The following ADGRL1 variants were observed in gnomAD, a reference collection of about 807,000 sequenced individuals.
ADGRL1 encodes adhesion G protein-coupled receptor L1, also known as CIRL-1.
ADGRL1 carries 31 observed loss-of-function variants against 148.9 expected under a neutral mutation model. The observed-to-expected ratio is 0.21, with a 90% CI of 0.16 to 0.28. The LOEUF is 0.28. Ranked by LOEUF, ADGRL1 falls within the 10% of genes least tolerant of loss-of-function variation. The probability of loss-of-function intolerance (pLI) is 1.00; values close to 1 mark genes in which losing one functional copy is unlikely to be tolerated. For missense variants in ADGRL1, 1,521 were observed against 2,058.8 expected, an observed-to-expected ratio of 0.74 and a Z score of 5.05; for synonymous variants, 937 against 900.3, an observed-to-expected ratio of 1.04 and a Z score of -0.73.
rs143605803 is a variant in ADGRL1, at chr19:14,195,994, G to A, written c.-96+9991C>T. ...CTCCCCTCACATCACATCCAGCCCC[G>A]TCAGGTCCTGTGGCTACTCCTTCAG... On this transcript the variant is annotated intron_variant, in intron 1 of 22. Transcript: ENST00000361434. Among the ~76,000 whole-genome samples, 868 of 152,050 alleles carry A rather than the reference G, an allele frequency of 5.7e-3. 8 individuals are homozygous for A. Among genetic ancestry groups the A allele is most frequent in the African/African-American group, 0.019 (799 of 41,452 alleles).
intron 1 of ADGRL1, among the ~76,000 whole-genome samples, chr19:14,186,302 C>T (rs1644736971): frequency 6.6e-6 from 1 of 152,330 alleles, no homozygotes; most frequent in Admixed American, 6.5e-5. Context: ...AAGAGATCCT[C>T]CTGCCTCAAC....
chr19:14,151,620 A>G lies in ADGRL1; in HGVS notation c.3668-5T>C. The G allele has an allele frequency of 6.3e-7, 1 of 1,585,444 alleles. No homozygotes were observed. Among genetic ancestry groups the G allele is most frequent in the South Asian group, 1.1e-5 (1 of 88,382 alleles). On this transcript the variant is annotated splice_polypyrimidine_tract_variant and splice_region_variant and intron_variant, in intron 22 of 22. Coordinates refer to ENST00000361434, the MANE Select transcript of ADGRL1 (RefSeq NM_014921.5). ...CCCGGCCTCCCAAGGGGTGCTCTGC[A>G]GGGCAGAAAGGGGCTGGTCAGGTTG...
chr19:14,154,935 T>A (rs1339482925), intron 18 of ADGRL1, among the ~76,000 whole-genome samples: 1 of 152,118 alleles, frequency 6.6e-6, no homozygotes, highest in African/African-American at 2.4e-5. Context: ...TTTTTAAGAT[T>A]CAGATTTTAA....
chr19:14,203,677 G>C (rs1972764889), intron 1 of ADGRL1, among the ~76,000 whole-genome samples: 1 of 152,188 alleles, frequency 6.6e-6, no homozygotes. Context: ...GGGAATAGAA[G>C]CTGGGCTTCG....
At position 14,150,807 on chromosome 19, in the gene ADGRL1, C is replaced by T; in HGVS notation, c.*66G>A. On this transcript the variant is annotated 3_prime_UTR_variant, in exon 23 of 23. Transcript: ENST00000361434. The stretch of plus-strand genomic sequence containing the variant: ...ACTGCCTCCATCTGTCTCCCTCTCC[C>T]ACCAGAGCCCTGCCCAGGGTTCCCT... 6.4e-7 allele frequency: 1 copy of T among 1,561,134 alleles called. No individual in the cohort carries two copies.
In ADGRL1 at chr19:14,170,742, G is replaced by A; in HGVS notation, c.334C>T (p.Pro112Ser). ...CVVVAGSDAF[P>S]DPCPGTYKYL... Reference sequence around the variant, plus strand: ...TTGTAGGTCCCAGGACAGGGGTCAGGAAAGGCATCCGAGCCGGCGACCACC... The same window carrying A: ...TTGTAGGTCCCAGGACAGGGGTCAGAAAAGGCATCCGAGCCGGCGACCACC... Residue 112 changes from proline (P) to serine (S), a missense_variant, in exon 4 of 23, where the codon CCT becomes TCT. Physicochemically the swap from Pro to Ser is moderately conservative, Grantham distance 74. Transcript: ENST00000361434. The A allele has an allele frequency of 6.2e-7, 1 of 1,612,570 alleles. No individual in the cohort carries two copies. Among genetic ancestry groups the A allele is most frequent in the Non-Finnish European group, 8.5e-7 (1 of 1,179,184 alleles).
In ADGRL1 at chr19:14,160,438, GTCCCTGC is replaced by G; in HGVS notation, c.1614+148_1615-142del. The stretch of plus-strand genomic sequence containing the variant: ...CCATCTGCCCCTTCCCACCCCATCT[GTCCCTGC>G]TCCCTTTGTAGGCCAGGGAGGTGAC... On this transcript the variant is annotated intron_variant, in intron 7 of 22. Coordinates refer to ENST00000361434, the MANE Select transcript of ADGRL1 (RefSeq NM_014921.5). This position sits in a 1 kb window ranked among gnomAD's most constrained non-coding sequence, Gnocchi z 5.9. 3 of 940,034 alleles carry G rather than the reference GTCCCTGC, an allele frequency of 3.2e-6. No homozygotes were observed. In the East Asian group the frequency reaches 7.9e-5, roughly 25 times the overall value. 58.2% of individuals were successfully genotyped at this position (940,034 alleles called of 1,614,324 possible).
At chr19:14,203,221 G>A (rs934207988) in intron 1 of ADGRL1, among the ~76,000 whole-genome samples, 6 of 152,216 alleles carry the variant, frequency 3.9e-5, no homozygotes, top group Non-Finnish European at 8.8e-5. Flanking sequence ...GGCTGGAGGA[G>A]GGGAAGTGTC....
At chr19:14,175,729 C>A (rs117095640) in intron 3 of ADGRL1, among the ~76,000 whole-genome samples, 613 of 152,170 alleles carry the variant, frequency 4.0e-3, no homozygotes, top group Non-Finnish European at 7.2e-3. Context: ...TAGTCACACA[C>A]TCAAAAATGC....
chr19:14,157,140 G>T lies in ADGRL1; in HGVS notation c.2751C>A (p.Ala917=). 6.2e-7 allele frequency: 1 copy of T among 1,614,028 alleles called. No homozygotes were observed. Among genetic ancestry groups the T allele is most frequent in the Middle Eastern group, 1.6e-4 (1 of 6,062 alleles). The change falls in exon 15 of 23, where the codon GCC becomes GCA. Residue 917 remains alanine, a synonymous_variant. Coordinates refer to ENST00000361434, the MANE Select transcript of ADGRL1 (RefSeq NM_014921.5). The surrounding 1 kb of genome is among the most constrained non-coding windows in gnomAD (Gnocchi z 7.5). ...GCAGCAGGCCGGCGAAGATGGGGCAGGCAATCTGCGGGGAGCACTGAGGGT... is the reference window on the plus strand; with the variant it reads ...GCAGCAGGCCGGCGAAGATGGGGCATGCAATCTGCGGGGAGCACTGAGGGT... ...VGIDKTQYEI[A]CPIFAGLLHY...
In ADGRL1 at chr19:14,150,481, A is replaced by C; in HGVS notation, c.*392T>G. 1 of 188,346 alleles carries C rather than the reference A, an allele frequency of 5.3e-6. No individual in the cohort carries two copies. Among genetic ancestry groups the C allele is most frequent in the Non-Finnish European group, 1.1e-5 (1 of 90,678 alleles). 11.7% of individuals were successfully genotyped at this position (188,346 alleles called of 1,614,324 possible). A position where few individuals can be genotyped will look rare whatever the true frequency, so the allele number is the denominator to read the frequency against. On this transcript the variant is annotated 3_prime_UTR_variant, in exon 23 of 23. Coordinates refer to ENST00000361434, the MANE Select transcript of ADGRL1 (RefSeq NM_014921.5). ...TTCCATCCAGTGGGGGCCTTTGGCA[A>C]CCTCAGAAGCTGCCCCTCCCTGCCC...
chr19:14,181,983 T>C (rs577937386), intron 2 of ADGRL1, among the ~76,000 whole-genome samples: 14 of 152,246 alleles, frequency 9.2e-5, no homozygotes, highest in African/African-American at 3.4e-4. Flanking sequence ...CCTGGGGGGA[T>C]TGCGTTGCCC....
chr19:14,175,927 A>G (rs31581), intron 3 of ADGRL1, among the ~76,000 whole-genome samples: 151,596 of 152,308 alleles, frequency 1, 75,446 homozygotes, highest in East Asian at 1. Flanking sequence ...GATGGTGCGT[A>G]CCTGTAATCC....
intron 2 of ADGRL1, among the ~76,000 whole-genome samples, chr19:14,183,193 C>CAGAGAGAGAGAGAGAGCGAGCGAGAG: frequency 6.9e-6 from 1 of 145,412 alleles, no homozygotes; most frequent in East Asian, 2.0e-4. Flanking sequence ...GATGTAATCA[C>CAGAGAGAGAGAGAGAGCGAGCGAGAG]AGAGAGAGAG....
chr19:14,163,269 G>A lies in ADGRL1; in HGVS notation c.532C>T (p.Arg178Cys), dbSNP rs369670781. 178 of 1,613,668 alleles carry A rather than the reference G, an allele frequency of 1.1e-4. No individual in the cohort carries two copies. The highest frequency in any genetic ancestry group is 1.4e-4 in the Non-Finnish European group (167 of 1,180,042). Residue 178 changes from arginine to cysteine, a missense_variant, in exon 5 of 23, where the codon CGC becomes TGC. By Grantham distance (180) the Arg-to-Cys change is radical. Coordinates refer to ENST00000361434, the MANE Select transcript of ADGRL1 (RefSeq NM_014921.5). ...GCATACTCAGTCAGTGTGTCCGTGC[G>A]GTAGGGGATCCAGGGCATCACGTAG... ...RIYVMPWIPY[R>C]TDTLTEYASW...
intron 4 of ADGRL1, chr19:14,169,489 G>C (rs1970289252): frequency 6.6e-6 from 1 of 152,220 alleles, no homozygotes; most frequent in African/African-American, 2.4e-5. Context: ...AGGCTTCAAG[G>C]AGCAGATGGG....
At position 14,152,006 on chromosome 19, in the gene ADGRL1, G is replaced by GT; in HGVS notation, c.3667+126_3667+127insA. 1.2e-6 allele frequency: 1 copy of GT among 865,858 alleles called. No individual in the cohort carries two copies. Among genetic ancestry groups the GT allele is most frequent in the South Asian group, 1.4e-5 (1 of 71,874 alleles). The allele number at this position is 865,858 out of a possible 1,614,324, so 53.6% of individuals were successfully genotyped here. A position where few individuals can be genotyped will look rare whatever the true frequency, so the allele number is the denominator to read the frequency against. Reference sequence around the variant, plus strand: ...TTCGGCTGCCAGAGGCTGTGTGTCGGGGGGTGGGGAAATGTGGGCATGGGG... The same window carrying GT: ...TTCGGCTGCCAGAGGCTGTGTGTCGGTGGGGTGGGGAAATGTGGGCATGGGG... On this transcript the variant is annotated intron_variant, in intron 22 of 22. Transcript: ENST00000361434. The surrounding 1 kb of genome is among the most constrained non-coding windows in gnomAD (Gnocchi z 6.1).
rs371057141 is a variant in ADGRL1 at position 14,157,408 on chromosome 19, A to G, written c.2588T>C (p.Ile863Thr). The G allele has an allele frequency of 5.0e-6, 8 of 1,613,994 alleles. No individual in the cohort carries two copies. The highest frequency in any genetic ancestry group is 3.3e-5 in the Admixed American group (2 of 60,004). ...GGCCAAGCAGACCAGGGAGATCACA[A>G]TGCCCACCCAGGTGATGACCGACAG... ...LLLSVITWVGIVISLVCLAIC... is the reference protein window; with the variant it reads ...LLLSVITWVGTVISLVCLAIC... Residue 863 changes from isoleucine (I) to threonine (T), a missense_variant, in exon 14 of 23, where the codon ATT becomes ACT. Around this residue, in one of 8 missense-constraint regions of ADGRL1, gnomAD observed 265 missense variants for 431.9 expected, o/e 0.61. Coordinates refer to ENST00000361434, the MANE Select transcript of ADGRL1 (RefSeq NM_014921.5). This position sits in a 1 kb window ranked among gnomAD's most constrained non-coding sequence, Gnocchi z 7.5.
At chr19:14,167,670 A>G (rs536968789) in intron 4 of ADGRL1, among the ~76,000 whole-genome samples, 19 of 152,022 alleles carry the variant, frequency 1.2e-4, no homozygotes, top group Admixed American at 3.9e-4. Context: ...AAACACAGAG[A>G]GAAGGTGGCA....
Sources: gnomAD v4.1 joint callset for allele counts (sites outside exome capture counted in the v4.1 genomes callset) on GRCh38, gnomAD v4.1.1 for gene constraint, gnomAD v4.1.1 regional missense constraint, Gnocchi (gnomAD v3.1) non-coding constraint, MANE v1.5 for transcripts, NCBI Gene and HGNC (gene_info 2026-07-23, HGNC 2026-07-21) for gene names.